RIN2: variants seen among roughly 807,000 people sequenced by gnomAD.
RIN2 encodes the protein Ras and Rab interactor 2, also known as RAB5 interacting protein 2.
Under a neutral mutation model 78.0 loss-of-function variants are expected in RIN2, and 36 were observed. The ratio of observed to expected loss-of-function variants is 0.46; its 90% CI spans 0.35 to 0.61. RIN2 has a LOEUF of 0.61. Among genes scored for constraint, RIN2 ranks in the 20% least tolerant of loss-of-function variants. RIN2 has a pLI of 0.00. For synonymous variants in RIN2, 466 were observed against 466.8 expected (o/e 1.00, Z 0.02); for missense variants, 1,087 against 1,159.7 (o/e 0.94, Z 0.91).
At chr20:19,916,203 G>A (rs973274268) in intron 3 of RIN2, among the ~76,000 whole-genome samples, 1 of 152,326 alleles carries the variant, frequency 6.6e-6, no homozygotes, top group Admixed American at 6.5e-5. Context: ...TAGTGCCATT[G>A]CACTCCAGCC....
intron 2 of RIN2, among the ~76,000 whole-genome samples, chr20:19,858,520 C>G (rs185251759): frequency 3.5e-4 from 53 of 152,266 alleles, no homozygotes; most frequent in African/African-American, 1.2e-3. Flanking sequence ...TCAACCTCTT[C>G]CGTGCTCACA....
intron 4 of RIN2, among the ~76,000 whole-genome samples, chr20:19,945,286 A>G (rs1258898693): frequency 2.6e-5 from 4 of 152,166 alleles, no homozygotes; most frequent in Admixed American, 6.5e-5. Context: ...CATTGAAACT[A>G]TGACATGCCT....
At chr20:19,993,590 C>T (rs1320773091) in intron 11 of RIN2, among the ~76,000 whole-genome samples, 1 of 151,992 alleles carries the variant, frequency 6.6e-6, no homozygotes, top group Non-Finnish European at 1.5e-5. Context: ...TATGAATGGG[C>T]CTCTTTCATG....
chr20:19,892,310 G>A (rs760544143), intron 3 of RIN2, among the ~76,000 whole-genome samples: 2 of 152,100 alleles, frequency 1.3e-5, no homozygotes, highest in African/African-American at 2.4e-5. Flanking sequence ...TCTGCCTCCC[G>A]GGTTCAAGCG....
chr20:19,799,808 A>G (rs2035184468), intron 2 of RIN2, 61 bp downstream of exon 2: 1 of 152,204 alleles, frequency 6.6e-6, no homozygotes, highest in Non-Finnish European at 1.5e-5. Context: ...TTCATTTCCA[A>G]GCTCATCAGT....
At chr20:19,835,093 G>GAA (rs1315990538) in intron 2 of RIN2, among the ~76,000 whole-genome samples, 1,230 of 110,948 alleles carry the variant, frequency 0.011, 15 homozygotes, top group African/African-American at 0.033. Flanking sequence ...AAGAGAAAAA[G>GAA]AAAGAAGAAA....
chr20:19,835,382 A>G (rs2036390980), intron 2 of RIN2, among the ~76,000 whole-genome samples: 1 of 152,170 alleles, frequency 6.6e-6, no homozygotes, highest in South Asian at 2.1e-4. Context: ...TCATGTGTAA[A>G]TGTTTTTGCC....
chr20:19,794,124 A>T (rs1210865174), intron 1 of RIN2, among the ~76,000 whole-genome samples: 1 of 152,236 alleles, frequency 6.6e-6, no homozygotes. Context: ...GATCACAAGG[A>T]TCCAAAGAAT....
At chr20:19,857,055 G>A (rs971514116) in intron 2 of RIN2, among the ~76,000 whole-genome samples, 7 of 152,124 alleles carry the variant, frequency 4.6e-5, no homozygotes, top group South Asian at 2.1e-4. Flanking sequence ...CAGAGACCCC[G>A]GTAGCCACCA....
At chr20:19,990,446 TA>T (rs2042764183) in intron 10 of RIN2, 135 bp downstream of exon 10, 1 of 778,988 alleles carries the variant, frequency 1.3e-6, no homozygotes, top group African/African-American at 1.8e-5. Context: ...CTTACAGAAC[TA>T]CAAGTGATTC....
chr20:19,921,105 C>T (rs761012802), intron 3 of RIN2, among the ~76,000 whole-genome samples: 1 of 152,224 alleles, frequency 6.6e-6, no homozygotes. Flanking sequence ...CCCTTCACAG[C>T]CTCTCCCATG....
chr20:19,922,500 C>A (rs1388434847), intron 3 of RIN2, among the ~76,000 whole-genome samples: 1 of 152,064 alleles, frequency 6.6e-6, no homozygotes, highest in African/African-American at 2.4e-5. Context: ...ATAAAAAGGT[C>A]CAAGATCTGA....
chr20:19,921,203 T>C (rs913892647), intron 3 of RIN2, among the ~76,000 whole-genome samples: 35 of 152,168 alleles, frequency 2.3e-4, no homozygotes, highest in Admixed American at 1.6e-3. Context: ...TTATTAATTG[T>C]TTGAAAGCAA....
intron 3 of RIN2, among the ~76,000 whole-genome samples, chr20:19,899,105 C>T (rs1241609921): frequency 3.3e-5 from 5 of 152,192 alleles, no homozygotes; most frequent in African/African-American, 9.7e-5. Flanking sequence ...CCAGCCACTT[C>T]TATTATGCCT....
At chr20:19,776,748 A>C (rs905286331) in intron 1 of RIN2, among the ~76,000 whole-genome samples, 3 of 151,942 alleles carry the variant, frequency 2.0e-5, no homozygotes, top group African/African-American at 7.2e-5. Flanking sequence ...AAAAAAAAGA[A>C]AGAAAGAAAA....
intron 7 of RIN2, among the ~76,000 whole-genome samples, chr20:19,968,779 G>A (rs958534260): frequency 2.0e-5 from 3 of 152,076 alleles, no homozygotes; most frequent in African/African-American, 7.2e-5. Flanking sequence ...AAGTTGGTCC[G>A]GCCACACAAA....
chr20:19,799,231 A>G (rs2035167296), intron 1 of RIN2, among the ~76,000 whole-genome samples: 1 of 152,148 alleles, frequency 6.6e-6, no homozygotes, highest in Admixed American at 6.5e-5. Context: ...GATTAGTCCC[A>G]TCTCCAGAAT....
chr20:19,792,556 C>T (rs189025562), intron 1 of RIN2, among the ~76,000 whole-genome samples: 2 of 152,236 alleles, frequency 1.3e-5, no homozygotes, highest in East Asian at 3.9e-4. Flanking sequence ...GCAAGGGGTG[C>T]CTGCCATTGA....
At chr20:19,934,689 C>T in intron 3 of RIN2, 1 of 831,176 alleles carries the variant, frequency 1.2e-6, no homozygotes, top group Non-Finnish European at 1.4e-6. Context: ...GAATTTCAGT[C>T]CTTCAAAGGG....
Sources: gnomAD v4.1 joint callset for allele counts (sites outside exome capture counted in the v4.1 genomes callset) on GRCh38, gnomAD v4.1.1 for gene constraint, MANE v1.5 for transcripts, NCBI Gene and HGNC (gene_info 2026-07-23, HGNC 2026-07-21) for gene names.